UBASH3B: variants seen among roughly 807,000 people sequenced by gnomAD.
The protein encoded by UBASH3B is ubiquitin associated and SH3 domain containing B.
Under a neutral mutation model 83.4 loss-of-function variants are expected in UBASH3B, and 37 were observed. The ratio of observed to expected loss-of-function variants is 0.44; its 90% CI spans 0.34 to 0.58. The LOEUF is 0.58. Ranked by LOEUF, UBASH3B falls within the 20% of genes least tolerant of loss-of-function variation. UBASH3B has a pLI of 0.01. For synonymous variants in UBASH3B, 304 were observed against 318.3 expected, an observed-to-expected ratio of 0.96 and a Z score of 0.48; for missense variants, 657 against 827.2, an observed-to-expected ratio of 0.79 and a Z score of 2.52.
chr11:122,765,364 T>C (rs1860518680), intron 1 of UBASH3B, among the ~76,000 whole-genome samples: 1 of 152,194 alleles, frequency 6.6e-6, no homozygotes, highest in South Asian at 2.1e-4. Flanking sequence ...TCACTGGGTT[T>C]CCAGGGAAGG....
At chr11:122,773,607 T>TA (rs1407033208) in intron 1 of UBASH3B, among the ~76,000 whole-genome samples, 1 of 152,222 alleles carries the variant, frequency 6.6e-6, no homozygotes, top group Non-Finnish European at 1.5e-5. Flanking sequence ...GTGTACCAGA[T>TA]ACGATAACCT....
At chr11:122,744,062 G>A (rs1861070704) in intron 1 of UBASH3B, among the ~76,000 whole-genome samples, 1 of 152,212 alleles carries the variant, frequency 6.6e-6, no homozygotes, top group African/African-American at 2.4e-5. Flanking sequence ...GGAGACCCAG[G>A]CGTCAGTGAG....
intron 1 of UBASH3B, among the ~76,000 whole-genome samples, chr11:122,735,711 A>G (rs1413539243): frequency 6.6e-6 from 1 of 152,220 alleles, no homozygotes. Context: ...ACATCTATCT[A>G]CTTGTCGAAG....
chr11:122,782,543 CTGT>C (rs1860873762), intron 4 of UBASH3B: 1 of 152,938 alleles, frequency 6.5e-6, no homozygotes, highest in East Asian at 1.9e-4. Context: ...ACCCAAAATG[CTGT>C]TGAGAGAAAC....
intron 1 of UBASH3B, among the ~76,000 whole-genome samples, chr11:122,700,094 C>A (rs1864022924): frequency 1.3e-5 from 2 of 152,118 alleles, no homozygotes; most frequent in South Asian, 4.1e-4. Flanking sequence ...CTAGCGGAGA[C>A]CCGACATGCT....
intron 9 of UBASH3B, among the ~76,000 whole-genome samples, chr11:122,798,442 G>A (rs1413500998): frequency 2.0e-5 from 3 of 152,114 alleles, no homozygotes; most frequent in Non-Finnish European, 2.9e-5. Context: ...GCCAGGTGTG[G>A]TGGCTCACGC....
intron 6 of UBASH3B, among the ~76,000 whole-genome samples, chr11:122,789,575 C>T (rs1426947078): frequency 6.6e-6 from 1 of 152,158 alleles, no homozygotes; most frequent in Non-Finnish European, 1.5e-5. Context: ...TCTCTTCTGG[C>T]CGAAGAGTGG....
chr11:122,699,109 C>T (rs547261439), intron 1 of UBASH3B, among the ~76,000 whole-genome samples: 6 of 152,302 alleles, frequency 3.9e-5, no homozygotes, highest in African/African-American at 9.6e-5. Flanking sequence ...CTTGGCCTCC[C>T]GAAGTGCTGG....
intron 1 of UBASH3B, among the ~76,000 whole-genome samples, chr11:122,729,872 G>A (rs1860810345): frequency 6.8e-6 from 1 of 146,816 alleles, no homozygotes; most frequent in Non-Finnish European, 1.5e-5. Context: ...CCAGCTTCTT[G>A]GGAAGCTGAG....
chr11:122,800,908 C>T lies in UBASH3B; in HGVS notation c.1451-280C>T, dbSNP rs180863996. Among the ~76,000 whole-genome samples, 12 of 152,144 alleles carry T rather than the reference C, an allele frequency of 7.9e-5. No homozygotes were observed. In the South Asian group the frequency reaches 8.3e-4, roughly 11 times the overall value. ...AGGTGTGAGCTACCGCACCCAGCCT[C>T]GAATAAATTATATGGATAATGAGCT... On this transcript the variant is annotated intron_variant, in intron 10 of 13. Transcript: ENST00000284273.
In UBASH3B at chr11:122,797,209, G is replaced by A. The variant is rs1254550456; in HGVS notation, c.1357+176G>A. On this transcript the variant is annotated intron_variant, in intron 9 of 13. Transcript: ENST00000284273. ...AGTTTAGGACACTGTGCTCAGCCCT[G>A]GGTTGGTTGACCAAAGTGAATGAGG... The A allele has an allele frequency of 3.4e-6, 3 of 877,678 alleles. No homozygotes were observed. In the East Asian group the frequency reaches 9.1e-5, roughly 27 times the overall value. 54.4% of individuals were successfully genotyped at this position (877,678 alleles called of 1,614,324 possible).
intron 1 of UBASH3B, among the ~76,000 whole-genome samples, chr11:122,767,306 TTTTTG>T (rs149424023): frequency 1.3e-5 from 2 of 150,044 alleles, no homozygotes; most frequent in South Asian, 4.2e-4. Context: ...TAAAGGTTTC[TTTTTG>T]TTTTGTTTTG....
In UBASH3B at chr11:122,789,108, G is replaced by A. The variant is rs1182013405; in HGVS notation, c.780G>A (p.Gln260=). 1 of 1,612,360 alleles carries A rather than the reference G, an allele frequency of 6.2e-7. No homozygotes were observed. Among genetic ancestry groups the A allele is most frequent in the Non-Finnish European group, 8.5e-7 (1 of 1,179,482 alleles). Residue 260 remains glutamine, a synonymous_variant, in exon 6 of 14, where the codon CAG becomes CAA. Transcript: ENST00000284273. The part of the protein sequence containing the change: ...DIRFANHETL[Q]VIYPYTPQND... ...CTCTCTTCCTTTTCCAGACATTACA[G>A]GTCATCTACCCCTATACCCCACAAA...
chr11:122,716,598 C>G (rs1427846187), intron 1 of UBASH3B, among the ~76,000 whole-genome samples: 2 of 152,140 alleles, frequency 1.3e-5, no homozygotes, highest in Non-Finnish European at 2.9e-5. Context: ...TCAGGATGTC[C>G]TTTCACCTCC....
chr11:122,702,188 G>A (rs1486588702), intron 1 of UBASH3B, among the ~76,000 whole-genome samples: 1 of 152,198 alleles, frequency 6.6e-6, no homozygotes, highest in Non-Finnish European at 1.5e-5. Flanking sequence ...ATGAGGAAAA[G>A]TAGCATTTGT....
chr11:122,789,424 C>A, intron 6 of UBASH3B, 116 bp downstream of exon 6: 2 of 1,148,528 alleles, frequency 1.7e-6, no homozygotes, highest in Non-Finnish European at 1.2e-6. Flanking sequence ...CTGTGGATTC[C>A]AGAATTCCAG....
intron 1 of UBASH3B, among the ~76,000 whole-genome samples, chr11:122,685,884 G>A (rs987592802): frequency 6.6e-6 from 1 of 152,056 alleles, no homozygotes; most frequent in Non-Finnish European, 1.5e-5. Context: ...GGTCTTCCTC[G>A]AGCTTCATAG....
chr11:122,685,138 A>C (rs908036164), intron 1 of UBASH3B, among the ~76,000 whole-genome samples: 1 of 152,166 alleles, frequency 6.6e-6, no homozygotes, highest in Admixed American at 6.5e-5. Flanking sequence ...TTTGCAGCTG[A>C]TGCTTCTGCA....
chr11:122,769,729 C>T (rs1230326682), intron 1 of UBASH3B, among the ~76,000 whole-genome samples: 2 of 152,344 alleles, frequency 1.3e-5, no homozygotes, highest in East Asian at 1.9e-4. Context: ...CTCCATCTTC[C>T]GTTGTGGCAA....
Sources: allele counts gnomAD v4.1 joint callset (sites outside exome capture counted in the v4.1 genomes callset), GRCh38; gene constraint gnomAD v4.1.1; transcripts MANE v1.5; gene names NCBI Gene and HGNC (gene_info 2026-07-23, HGNC 2026-07-21).